Variants in PLXNA1 observed in about 807,000 individuals in gnomAD.
PLXNA1 encodes plexin A1.
A neutral mutation model predicts 191.7 loss-of-function variants in PLXNA1; 77 were observed. That is an observed-to-expected ratio of 0.40 (90% confidence interval 0.33 to 0.49). The LOEUF (loss-of-function observed/expected upper bound fraction) is 0.49. PLXNA1 is among the 20% of genes least tolerant of loss of function. PLXNA1 has a pLI of 0.63. For missense variants in PLXNA1, 2,110 were observed against 2,660.2 expected, an observed-to-expected ratio of 0.79 and a Z score of 4.55; for synonymous variants, 1,137 against 1,156.4, an observed-to-expected ratio of 0.98 and a Z score of 0.34.
intron 23 of PLXNA1, among the ~76,000 whole-genome samples, chr3:127,024,497 A>C (rs1452897367): frequency 6.6e-6 from 1 of 152,134 alleles, no homozygotes; most frequent in Non-Finnish European, 1.5e-5. Flanking sequence ...GGAAGGGGAC[A>C]CAGGGAGGAG....
intron 23 of PLXNA1, 95 bp downstream of exon 23, chr3:127,022,913 A>G (rs1050672763): frequency 4.5e-6 from 5 of 1,112,614 alleles, no homozygotes; most frequent in African/African-American, 3.1e-5. Context: ...GTGCTGGAGA[A>G]TGACAGCTGG....
rs529069987 is a variant in PLXNA1 at position 127,007,070 on chromosome 3, C to T, written c.1998-729C>T. The stretch of plus-strand genomic sequence containing the variant: ...TTTATTTCCAGGATGCAGCATCTCC[C>T]GTCCCAGGTGGGGTGGGGGATCTCT... On this transcript the variant is annotated intron_variant, in intron 8 of 31. Coordinates refer to ENST00000393409, the MANE Select transcript of PLXNA1 (RefSeq NM_032242.4). Among the ~76,000 whole-genome samples the T allele has an allele frequency of 1.1e-4, 16 of 152,278 alleles. No homozygotes were observed. In the East Asian group the frequency reaches 2.3e-3, roughly 22 times the overall value.
intron 2 of PLXNA1, among the ~76,000 whole-genome samples, chr3:126,990,247 T>C (rs1289223247): frequency 6.6e-6 from 1 of 152,234 alleles, no homozygotes; most frequent in Non-Finnish European, 1.5e-5. Context: ...CCAGACACCA[T>C]TTCCATGGAG....
rs1346926627 is a variant in PLXNA1, at chr3:127,028,170, C to T, written c.4510-11C>T. The T allele has an allele frequency of 2.5e-6, 4 of 1,613,248 alleles. No homozygotes were observed. The Admixed American group carries it at 6.7e-5, about 27-fold the overall frequency. On this transcript the variant is annotated splice_polypyrimidine_tract_variant and intron_variant, in intron 24 of 31. Coordinates refer to ENST00000393409, the MANE Select transcript of PLXNA1 (RefSeq NM_032242.4). ...GGCTGACGCTGCCCCCTTGCTCCAC[C>T]CCGCCCGCAGACCCTGAACTGTGTG...
In PLXNA1 at chr3:127,005,171, G is replaced by T. The variant is rs143376196; in HGVS notation, c.1825G>T (p.Val609Phe). Reference protein sequence around the residue: ...SFEDFTESESVLEDGRIHCRS... With the variant: ...SFEDFTESESFLEDGRIHCRS... ...CGAGGACTTCACGGAATCTGAGAGC[G>T]TCCTGGAGGATGGCCGGATCCACTG... is the stretch of plus-strand genomic sequence containing the variant. The change falls in exon 7 of 32, where the codon GTC becomes TTC. Residue 609 changes from valine to phenylalanine, a missense_variant. Around this residue, in one of 4 missense-constraint regions of PLXNA1, gnomAD observed 903 missense variants for 1,015.7 expected, o/e 0.89. Coordinates refer to ENST00000393409, the MANE Select transcript of PLXNA1 (RefSeq NM_032242.4). 1.2e-6 allele frequency: 2 copies of T among 1,612,614 alleles called. No homozygotes were observed. Among genetic ancestry groups the T allele is most frequent in the Admixed American group, 3.3e-5 (2 of 59,988 alleles).
chr3:126,994,010 G>T (rs189672836), intron 3 of PLXNA1, among the ~76,000 whole-genome samples: 2 of 152,130 alleles, frequency 1.3e-5, no homozygotes, highest in African/African-American at 4.8e-5. Context: ...GAGCCTTGGT[G>T]TCTCCTCGTA....
chr3:126,991,840 C>T (rs1576669494), intron 3 of PLXNA1, among the ~76,000 whole-genome samples: 1 of 152,148 alleles, frequency 6.6e-6, no homozygotes, highest in South Asian at 2.1e-4. Context: ...GATGCTGAGG[C>T]GGGGGCTGGC....
At chr3:126,993,875 A>G (rs952270596) in intron 3 of PLXNA1, among the ~76,000 whole-genome samples, 5 of 152,238 alleles carry the variant, frequency 3.3e-5, no homozygotes, top group African/African-American at 1.2e-4. Context: ...CAAACTGTCC[A>G]GCAGCTGGGC....
At chr3:127,003,222 G>A (rs2079049187) in intron 3 of PLXNA1, 108 bp from the exon 4 acceptor site, 2 of 1,292,512 alleles carry the variant, frequency 1.5e-6, no homozygotes, top group Non-Finnish European at 2.1e-6. Context: ...GCTCATGCAT[G>A]TCTGGGCAGC....
chr3:126,993,466 G>A (rs1480407500), intron 3 of PLXNA1, among the ~76,000 whole-genome samples: 1 of 152,160 alleles, frequency 6.6e-6, no homozygotes, highest in Non-Finnish European at 1.5e-5. Context: ...CAGCTGGGAA[G>A]GTGGAGGCTG....
Position 127,034,275 on chromosome 3 carries a change from C to T in PLXNA1, c.*258C>T. 1 of 424,578 alleles carries T rather than the reference C, an allele frequency of 2.4e-6. No homozygotes were observed. The highest frequency in any genetic ancestry group is 4.2e-6 in the Non-Finnish European group (1 of 236,836). The allele number at this position is 424,578 out of a possible 1,614,324, so 26.3% of individuals were successfully genotyped here. ...GGACAGCACTGGGTGCTCAGGCTGG[C>T]CAAGGACCTTCATTGCCTGGCAAGA... On this transcript the variant is annotated 3_prime_UTR_variant, in exon 32 of 32. Coordinates refer to ENST00000393409, the MANE Select transcript of PLXNA1 (RefSeq NM_032242.4).
chr3:127,001,637 G>A (rs1208562594), intron 3 of PLXNA1, among the ~76,000 whole-genome samples: 1 of 152,250 alleles, frequency 6.6e-6, no homozygotes, highest in Non-Finnish European at 1.5e-5. Flanking sequence ...CCTCCACCCA[G>A]TCTGTGTCCT....
chr3:127,004,515 C>A, intron 4 of PLXNA1, 96 bp from the exon 5 acceptor site: 1 of 874,310 alleles, frequency 1.1e-6, no homozygotes, highest in Middle Eastern at 2.4e-4. Context: ...CAGGGCCTCC[C>A]CGGGCCTAAG....
Position 127,028,060 on chromosome 3 carries a change from C to T in PLXNA1, c.4483C>T (p.Arg1495Trp), listed in dbSNP as rs2079185551. 6.2e-6 allele frequency: 10 copies of T among 1,613,916 alleles called. No homozygotes were observed. The highest frequency in any genetic ancestry group is 5.9e-6 in the Non-Finnish European group (7 of 1,180,004). Reference sequence around the variant, plus strand: ...CTCCCTGAGTGAGGACAAGCTCATCCGGCAGCAGATTGACTACAAGACACT... The same window carrying T: ...CTCCCTGAGTGAGGACAAGCTCATCTGGCAGCAGATTGACTACAAGACACT... Reference protein sequence around the residue: ...RYSLSEDKLIRQQIDYKTLTL... With the variant: ...RYSLSEDKLIWQQIDYKTLTL... The change falls in exon 24 of 32, where the codon CGG (arginine) becomes TGG (tryptophan). Residue 1495 changes from arginine (R) to tryptophan (W), a missense_variant. Arg to Trp is a moderately radical substitution (Grantham distance 101). Coordinates refer to ENST00000393409, the MANE Select transcript of PLXNA1 (RefSeq NM_032242.4).
intron 29 of PLXNA1, among the ~76,000 whole-genome samples, chr3:127,031,001 G>A (rs560683614): frequency 6.6e-6 from 1 of 152,238 alleles, no homozygotes; most frequent in South Asian, 2.1e-4. Flanking sequence ...TTATGAAGAG[G>A]CACCCAGCCT....
Position 126,986,943 on chromosome 3 carries a change from G to C in PLXNA1, c.-73-1578G>C, listed in dbSNP as rs1193324776. Reference sequence around the variant, plus strand: ...GCCAGACCATACAAGGGGTGTCTGGGATGGTCTGTGCAAACTGGCTGGCTG... The same window carrying C: ...GCCAGACCATACAAGGGGTGTCTGGCATGGTCTGTGCAAACTGGCTGGCTG... On this transcript the variant is annotated intron_variant, in intron 1 of 31. Coordinates refer to ENST00000393409, the MANE Select transcript of PLXNA1 (RefSeq NM_032242.4). Among the ~76,000 whole-genome samples the C allele has an allele frequency of 3.3e-5, 5 of 152,330 alleles. No homozygotes were observed. The East Asian group carries it at 9.7e-4, about 29-fold the overall frequency.
At chr3:126,987,009 C>T (rs1012934678) in intron 1 of PLXNA1, among the ~76,000 whole-genome samples, 4 of 152,304 alleles carry the variant, frequency 2.6e-5, no homozygotes, top group East Asian at 1.9e-4. Flanking sequence ...TTGCTGTAGC[C>T]GGCTCCAGCC....
At chr3:127,031,977 C>T (rs1028851625) in intron 29 of PLXNA1, 13 of 191,084 alleles carry the variant, frequency 6.8e-5, no homozygotes, top group South Asian at 1.1e-4. Context: ...GTTTGGGGCA[C>T]AGAGGGCTGG....
chr3:127,021,636 C>G (rs1241685349), intron 21 of PLXNA1, among the ~76,000 whole-genome samples: 3 of 152,304 alleles, frequency 2.0e-5, no homozygotes, highest in Admixed American at 2.0e-4. Flanking sequence ...GACATGCACT[C>G]CTGGTACCCA....
Sources: allele counts gnomAD v4.1 joint callset (sites outside exome capture counted in the v4.1 genomes callset), GRCh38; gene constraint gnomAD v4.1.1; regional missense constraint gnomAD v4.1.1; transcripts MANE v1.5; gene names NCBI Gene and HGNC (gene_info 2026-07-23, HGNC 2026-07-21).